Variants in NRIP3 observed in about 807,000 individuals in gnomAD.
NRIP3 encodes nuclear receptor-interacting protein 3.
Under a neutral mutation model 29.0 loss-of-function variants are expected in NRIP3, and 31 were observed. The observed-to-expected ratio is 1.07, with a 90% CI of 0.80 to 1.44. The LOEUF is 1.44. NRIP3 is among the 40% of genes most tolerant of loss of function. The pLI is 0.00. For synonymous variants in NRIP3, 131 were observed against 118.3 expected (o/e 1.11, Z -0.70); for missense variants, 314 against 297.9 (o/e 1.05, Z -0.40).
intron 6 of NRIP3, 51 bp downstream of exon 6, chr11:8,983,824 G>A (rs374718722): frequency 1.4e-5 from 21 of 1,462,248 alleles, no homozygotes; most frequent in African/African-American, 4.2e-5. Flanking sequence ...CACCCTGCTC[G>A]CAGCTGATGA....
At chr11:8,992,663 C>T (rs1854627304) in intron 1 of NRIP3, among the ~76,000 whole-genome samples, 1 of 152,190 alleles carries the variant, frequency 6.6e-6, no homozygotes, top group Non-Finnish European at 1.5e-5. Flanking sequence ...GTAATCCCAG[C>T]ACTTTGGGAG....
chr11:9,002,991 T>C (rs115633575), intron 1 of NRIP3, among the ~76,000 whole-genome samples: 273 of 152,256 alleles, frequency 1.8e-3, no homozygotes, highest in African/African-American at 6.3e-3. Flanking sequence ...GACAGTACCA[T>C]CTTTGACCCC....
chr11:8,993,804 G>A (rs1589962856), intron 1 of NRIP3, among the ~76,000 whole-genome samples: 1 of 72,248 alleles, frequency 1.4e-5, no homozygotes, highest in Middle Eastern at 8.2e-3. Flanking sequence ...GCGAGACCCT[G>A]CCTCAAAAAA....
chr11:9,004,189 TG>T (rs1254162556), upstream of NRIP3: 10 of 340,502 alleles, frequency 2.9e-5, no homozygotes, highest in Admixed American at 4.9e-5. Context: ...GCGGCGCTGG[TG>T]GGGACTGACC....
chr11:9,004,153 C>T, upstream of NRIP3: 1 of 389,572 alleles, frequency 2.6e-6, no homozygotes, highest in Non-Finnish European at 4.4e-6. Context: ...CCCTGCTCAC[C>T]CGGTGGCAAA....
chr11:9,004,209 C>T (rs1049532190), upstream of NRIP3: 2 of 304,222 alleles, frequency 6.6e-6, no homozygotes, highest in Admixed American at 5.1e-5. Flanking sequence ...CCCGGCAGTC[C>T]GAGAATCCAC....
chr11:8,983,007 G>C lies in NRIP3; in HGVS notation c.*538C>G, dbSNP rs1048475624. On this transcript the variant is annotated 3_prime_UTR_variant, in exon 7 of 7. Transcript: ENST00000309166. The stretch of plus-strand genomic sequence containing the variant: ...CACTTGCCTCTCTGGACCTTTAAAT[G>C]AAAGAGTTAAACTGTAATGGATAAT... The C allele has an allele frequency of 6.6e-6, 3 of 456,478 alleles. No individual in the cohort carries two copies. The highest frequency in any genetic ancestry group is 1.3e-5 in the Non-Finnish European group (3 of 226,984). The allele number at this position is 456,478 out of a possible 1,614,324, so 28.3% of individuals were successfully genotyped here.
Position 8,982,414 on chromosome 11 carries a change from A to T in NRIP3, c.*1131T>A, listed in dbSNP as rs183240570. On this transcript the variant is annotated 3_prime_UTR_variant, in exon 7 of 7. Transcript: ENST00000309166. ...ATAGGCCTCTCCACCAACTGATTCT[A>T]CTCAGTCTACTCCCTTCTATTCTGG... The T allele has an allele frequency of 1.3e-5, 2 of 152,532 alleles. No individual in the cohort carries two copies. Among genetic ancestry groups the T allele is most frequent in the African/African-American group, 4.8e-5 (2 of 41,442 alleles). The allele number at this position is 152,532 out of a possible 1,614,324, so 9.4% of individuals were successfully genotyped here.
rs1338096356 is a variant in NRIP3 at position 8,982,490 on chromosome 11, T to G, written c.*1055A>C. 6.5e-6 allele frequency: 1 copy of G among 153,756 alleles called. No homozygotes were observed. Among genetic ancestry groups the G allele is most frequent in the Non-Finnish European group, 1.4e-5 (1 of 69,210 alleles). 9.5% of individuals were successfully genotyped at this position (153,756 alleles called of 1,614,324 possible). ...TTCTCTACTCCTGGTTTCCAGCTAC[T>G]TCAGTCCTTGACAGACACATAATAG... On this transcript the variant is annotated 3_prime_UTR_variant, in exon 7 of 7. Transcript: ENST00000309166.
intron 1 of NRIP3, among the ~76,000 whole-genome samples, chr11:8,990,270 T>C (rs561665658): frequency 6.6e-6 from 1 of 152,298 alleles, no homozygotes; most frequent in South Asian, 2.1e-4. Context: ...ATGACATCTA[T>C]TTTCTGATAT....
At chr11:8,993,345 A>C (rs892441991) in intron 1 of NRIP3, among the ~76,000 whole-genome samples, 2 of 152,246 alleles carry the variant, frequency 1.3e-5, no homozygotes, top group Non-Finnish European at 2.9e-5. Flanking sequence ...TGTTTTTATG[A>C]GAAAAGAAAT....
Position 8,985,728 on chromosome 11 carries a change from C to A in NRIP3, c.545G>T (p.Cys182Phe). The change falls in exon 4 of 7, where the codon TGC becomes TTC. Residue 182 changes from cysteine to phenylalanine, a missense_variant. Physicochemically the swap from Cys to Phe is radical, Grantham distance 205. Coordinates refer to ENST00000309166, the MANE Select transcript of NRIP3 (RefSeq NM_020645.3). ...VITLGSLRLD[C>F]PAAVVDDNEK... ...CTGCTTACCAACCACAGCTGCTGGG[C>A]AGTCCAGGCGGAGGGAGCCCAGTGT... The A allele has an allele frequency of 1.9e-6, 3 of 1,613,978 alleles. No individual in the cohort carries two copies. Among genetic ancestry groups the A allele is most frequent in the Non-Finnish European group, 2.5e-6 (3 of 1,180,016 alleles).
rs74055031 is a variant in NRIP3 at position 8,984,158 on chromosome 11, C to T, written c.563-34G>A. 6.1e-4 allele frequency: 898 copies of T among 1,478,252 alleles called. 4 individuals carry two copies. The African/African-American group carries it at 0.011, about 19-fold the overall frequency. 91.6% of individuals were successfully genotyped at this position (1,478,252 alleles called of 1,614,324 possible). A position where few individuals can be genotyped will look rare whatever the true frequency, so the allele number is the denominator to read the frequency against. ...AACAAAAAAATGATTAAGATTTAGC[C>T]ATTTCCATGCTTGCTTAGAAGTTGG... On this transcript the variant is annotated intron_variant, in intron 4 of 6. Transcript: ENST00000309166.
chr11:8,983,509 A>G lies in NRIP3; in HGVS notation c.*36T>C. 6.2e-7 allele frequency: 1 copy of G among 1,608,122 alleles called. No homozygotes were observed. Among genetic ancestry groups the G allele is most frequent in the Non-Finnish European group, 8.5e-7 (1 of 1,175,494 alleles). Reference sequence around the variant, plus strand: ...TTCTCTATCTGTCAACCCGGTGTGTATGCATGCACACGTGCAGACATGCTG... The same window carrying G: ...TTCTCTATCTGTCAACCCGGTGTGTGTGCATGCACACGTGCAGACATGCTG... On this transcript the variant is annotated 3_prime_UTR_variant, in exon 7 of 7. Transcript: ENST00000309166.
chr11:8,990,513 C>T (rs1208273591), intron 1 of NRIP3, among the ~76,000 whole-genome samples: 2 of 152,072 alleles, frequency 1.3e-5, no homozygotes, highest in Non-Finnish European at 2.9e-5. Context: ...AGGCCAGGCA[C>T]GGTGGCTCAC....
Position 9,003,787 on chromosome 11 carries a change from T to C in NRIP3, c.149A>G (p.Lys50Arg). 6.7e-7 allele frequency: 1 copy of C among 1,497,150 alleles called. No homozygotes were observed. Among genetic ancestry groups the C allele is most frequent in the African/African-American group, 1.5e-5 (1 of 68,906 alleles). 92.7% of individuals were successfully genotyped at this position (1,497,150 alleles called of 1,614,324 possible). A position where few individuals can be genotyped will look rare whatever the true frequency, so the allele number is the denominator to read the frequency against. Reference sequence around the variant, plus strand: ...CATGTCCTTGGACGAGCCCAGCTTCTTGAGGCCGTCCAGGGGCAGCAGGTC... The same window carrying C: ...CATGTCCTTGGACGAGCCCAGCTTCCTGAGGCCGTCCAGGGGCAGCAGGTC... ...SADLLPLDGL[K>R]KLGSSKDMQP... The change falls in exon 1 of 7, where the codon AAG (lysine) becomes AGG (arginine). Residue 50 changes from lysine to arginine, a missense_variant. Physicochemically the swap from Lys to Arg is conservative, Grantham distance 26. Coordinates refer to ENST00000309166, the MANE Select transcript of NRIP3 (RefSeq NM_020645.3).
rs186722523 is a variant in NRIP3 at position 8,999,982 on chromosome 11, C to T, written c.174+3780G>A. Reference sequence around the variant, plus strand: ...TTTACTTAATTTTACTTTCTGCCTCCTTCCTCCCACAAGAATGAAAGTTCC... The same window carrying T: ...TTTACTTAATTTTACTTTCTGCCTCTTTCCTCCCACAAGAATGAAAGTTCC... On this transcript the variant is annotated intron_variant, in intron 1 of 6. Coordinates refer to ENST00000309166, the MANE Select transcript of NRIP3 (RefSeq NM_020645.3). Among the ~76,000 whole-genome samples the T allele has an allele frequency of 2.1e-4, 32 of 152,222 alleles. No individual in the cohort carries two copies. The East Asian group carries it at 6.2e-3, about 29-fold the overall frequency.
intron 1 of NRIP3, among the ~76,000 whole-genome samples, chr11:9,000,870 A>G (rs1854781400): frequency 1.3e-5 from 2 of 152,116 alleles, no homozygotes; most frequent in South Asian, 4.1e-4. Flanking sequence ...GGAGTTCAAG[A>G]CCAGCCTGGG....
At chr11:9,002,632 G>T (rs1223599063) in intron 1 of NRIP3, among the ~76,000 whole-genome samples, 1 of 129,944 alleles carries the variant, frequency 7.7e-6, no homozygotes. Context: ...AATGGATGCA[G>T]AAGCTCTGCC....
Sources: gnomAD v4.1 joint callset for allele counts (sites outside exome capture counted in the v4.1 genomes callset) on GRCh38, gnomAD v4.1.1 for gene constraint, MANE v1.5 for transcripts, NCBI Gene and HGNC (gene_info 2026-07-23, HGNC 2026-07-21) for gene names.